The following NTRK2 variants were observed in gnomAD, a reference collection of about 807,000 sequenced individuals.
NTRK2 encodes BDNF/NT-3 growth factors receptor.
A neutral mutation model predicts 94.5 loss-of-function variants in NTRK2; 13 were observed. The ratio of observed to expected loss-of-function variants is 0.14; its 90% confidence interval spans 0.09 to 0.22. NTRK2 has a LOEUF of 0.22. Ranked by LOEUF, NTRK2 falls within the 10% of genes least tolerant of loss-of-function variation. The probability of loss-of-function intolerance (pLI) is 1.00; values close to 1 mark genes in which losing one functional copy is unlikely to be tolerated. For synonymous variants in NTRK2, 372 were observed against 407.4 expected, an observed-to-expected ratio of 0.91 and a Z score of 1.05; for missense variants, 639 against 1,071.2, an observed-to-expected ratio of 0.60 and a Z score of 5.63.
chr9:85,002,467 C>T (rs1029662844), intron 17 of NTRK2, among the ~76,000 whole-genome samples: 5 of 152,192 alleles, frequency 3.3e-5, no homozygotes, highest in African/African-American at 1.2e-4. Context: ...TCCTCTTCTG[C>T]TGAACCTAAT....
chr9:84,911,031 TA>T (rs1434858684), intron 14 of NTRK2, among the ~76,000 whole-genome samples: 1 of 152,180 alleles, frequency 6.6e-6, no homozygotes, highest in African/African-American at 2.4e-5. Context: ...TCCATGAACA[TA>T]GTATGTTTCT....
chr9:84,844,946 CA>C (rs1490184999), intron 12 of NTRK2, among the ~76,000 whole-genome samples: 1 of 151,484 alleles, frequency 6.6e-6, no homozygotes, highest in African/African-American at 2.4e-5. Context: ...ATTTAAAAGT[CA>C]AAAAACAATA....
At chr9:84,813,483 C>A (rs200100030) in intron 12 of NTRK2, 7 of 1,064,920 alleles carry the variant, frequency 6.6e-6, no homozygotes, top group Non-Finnish European at 8.0e-6. Context: ...TCTGTCTTCC[C>A]GTTGCAAATT....
At chr9:84,864,945 C>T (rs992845230) in intron 13 of NTRK2, among the ~76,000 whole-genome samples, 2 of 151,604 alleles carry the variant, frequency 1.3e-5, no homozygotes, top group Non-Finnish European at 1.5e-5. Context: ...TTCACCATGG[C>T]GGCCAGGCTG....
intron 12 of NTRK2, chr9:84,812,583 A>T (rs2071930837): frequency 9.6e-7 from 1 of 1,046,590 alleles, no homozygotes; most frequent in Admixed American, 5.6e-5. Flanking sequence ...AGAAATCATG[A>T]CCCTGAAAGA....
intron 12 of NTRK2, among the ~76,000 whole-genome samples, chr9:84,825,097 C>A (rs1195477229): frequency 6.6e-6 from 1 of 151,956 alleles, no homozygotes; most frequent in Non-Finnish European, 1.5e-5. Flanking sequence ...CCTGGATTAC[C>A]CAGGACAGCT....
chr9:84,796,501 G>T (rs2069345766), intron 12 of NTRK2, among the ~76,000 whole-genome samples: 1 of 152,134 alleles, frequency 6.6e-6, no homozygotes, highest in Non-Finnish European at 1.5e-5. Context: ...AAAGGAAAGG[G>T]GGTTTGTGAA....
At position 84,874,435 on chromosome 9, in the gene NTRK2, G is replaced by A. The variant is rs116068176; in HGVS notation, c.1633+7004G>A. On this transcript the variant is annotated intron_variant, in intron 14 of 18. Coordinates refer to ENST00000277120, the MANE Select transcript of NTRK2 (RefSeq NM_006180.6). Reference sequence around the variant, plus strand: ...CTGCCAGCCTGTGAGAGTAACCACCGTAGCTGGGCTTCTTCTCAGATTAAT... The same window carrying A: ...CTGCCAGCCTGTGAGAGTAACCACCATAGCTGGGCTTCTTCTCAGATTAAT... 2,898 of 1,065,778 alleles carry A rather than the reference G, an allele frequency of 2.7e-3. 65 individuals are homozygous for A. In the African/African-American group the frequency reaches 0.041, roughly 15 times the overall value. 66.0% of individuals were successfully genotyped at this position (1,065,778 alleles called of 1,614,324 possible). A position where few individuals can be genotyped will look rare whatever the true frequency, so the allele number is the denominator to read the frequency against.
rs926948526 is a variant in NTRK2 at position 85,026,137 on chromosome 9, A to T, written c.*4700A>T. ...ACAAACACAAAGCAAAGCAAAAAAA[A>T]AAATATATATATATATATCTGTATA... On this transcript the variant is annotated 3_prime_UTR_variant, in exon 19 of 19. Transcript: ENST00000277120. 1.4e-3 allele frequency: 283 copies of T among 208,434 alleles called. 2 individuals are homozygous for T. The highest frequency in any genetic ancestry group is 3.2e-3 in the African/African-American group (137 of 42,248). 12.9% of individuals were successfully genotyped at this position (208,434 alleles called of 1,614,324 possible).
At position 84,964,558 on chromosome 9, in the gene NTRK2, C is replaced by T. The variant is rs185594612; in HGVS notation, c.2172+9041C>T. ...CTGCAGATCTTCAGAGTTCTTTCTA[C>T]GTGCAGCTCTCTCTTCTCTGGTATT... is the stretch of plus-strand genomic sequence containing the variant. On this transcript the variant is annotated intron_variant, in intron 17 of 18. Transcript: ENST00000277120. 1.2e-3 allele frequency among the ~76,000 whole-genome samples: 185 copies of T among 152,300 alleles called. 1 individual carries two copies. The highest frequency in any genetic ancestry group is 1.9e-3 in the Non-Finnish European group (132 of 68,018).
At chr9:84,980,259 T>C (rs1398828545) in intron 17 of NTRK2, among the ~76,000 whole-genome samples, 1 of 152,252 alleles carries the variant, frequency 6.6e-6, no homozygotes, top group Non-Finnish European at 1.5e-5. Flanking sequence ...TTAGCCTAAT[T>C]GTTTCCTATT....
rs1219758727 is a variant in NTRK2, at chr9:84,872,438, C to T, written c.1633+5007C>T. 14 of 1,075,616 alleles carry T rather than the reference C, an allele frequency of 1.3e-5. No homozygotes were observed. The East Asian group carries it at 5.7e-4, about 44-fold the overall frequency. The allele number at this position is 1,075,616 out of a possible 1,614,324, so 66.6% of individuals were successfully genotyped here. On this transcript the variant is annotated intron_variant, in intron 14 of 18. Coordinates refer to ENST00000277120, the MANE Select transcript of NTRK2 (RefSeq NM_006180.6). ...TGTCCTCCCTAAAATTCTGTCTTCCCTAGAGCAGCCTTGTAAATTAGCTAG... is the reference window on the plus strand; with the variant it reads ...TGTCCTCCCTAAAATTCTGTCTTCCTTAGAGCAGCCTTGTAAATTAGCTAG...
chr9:84,982,794 G>T (rs963799143), intron 17 of NTRK2, among the ~76,000 whole-genome samples: 1 of 152,104 alleles, frequency 6.6e-6, no homozygotes, highest in Non-Finnish European at 1.5e-5. Flanking sequence ...TGTATGCTTT[G>T]ATTTAAAAAT....
chr9:84,925,027 G>T (rs896860562), intron 14 of NTRK2, among the ~76,000 whole-genome samples: 1 of 152,134 alleles, frequency 6.6e-6, no homozygotes, highest in Non-Finnish European at 1.5e-5. Context: ...AGGTCCACTT[G>T]CTCCTTCGGT....
intron 14 of NTRK2, chr9:84,875,173 G>T (rs1587784917): frequency 9.4e-7 from 1 of 1,058,580 alleles, no homozygotes; most frequent in South Asian, 4.6e-5. Context: ...CCTTGCATTT[G>T]TTTGTACTGG....
At chr9:84,851,968 C>T (rs2074796849) in intron 12 of NTRK2, among the ~76,000 whole-genome samples, 1 of 152,206 alleles carries the variant, frequency 6.6e-6, no homozygotes, top group African/African-American at 2.4e-5. Context: ...AAAGGCGTTT[C>T]TAAACACATT....
chr9:84,912,440 T>C (rs2077264025), intron 14 of NTRK2, among the ~76,000 whole-genome samples: 2 of 152,180 alleles, frequency 1.3e-5, no homozygotes, highest in South Asian at 4.2e-4. Flanking sequence ...TTTAGGTTTA[T>C]TATGTCTTTT....
intron 14 of NTRK2, chr9:84,876,857 T>C (rs958549426): frequency 9.4e-7 from 1 of 1,062,066 alleles, no homozygotes; most frequent in Non-Finnish European, 1.1e-6. Context: ...TCTTTTTCCC[T>C]TTTAGGAGTC....
chr9:84,803,169 A>C (rs573105130), intron 12 of NTRK2, among the ~76,000 whole-genome samples: 1 of 152,204 alleles, frequency 6.6e-6, no homozygotes, highest in East Asian at 1.9e-4. Flanking sequence ...TTTAATTCTC[A>C]CTGTAGCTAG....
Sources: allele counts gnomAD v4.1 joint callset (sites outside exome capture counted in the v4.1 genomes callset), GRCh38; gene constraint gnomAD v4.1.1; transcripts MANE v1.5; gene names NCBI Gene and HGNC (gene_info 2026-07-23, HGNC 2026-07-21).